PDE4DIP: variants seen among roughly 807,000 people sequenced by gnomAD.
PDE4DIP encodes the protein phosphodiesterase 4D interacting protein, also known as myomegalin.
In PDE4DIP, 59 loss-of-function variants were observed where a neutral mutation model predicts 221.4. The ratio of observed to expected loss-of-function variants is 0.27; its 90% CI spans 0.22 to 0.33. PDE4DIP has a LOEUF of 0.33. Among genes scored for constraint, PDE4DIP ranks in the 10% least tolerant of loss-of-function variants. PDE4DIP has a pLI of 1.00. For missense variants in PDE4DIP, 1,036 were observed against 2,154.2 expected (o/e 0.48, Z 10.28); for synonymous variants, 404 against 815.9 (o/e 0.50, Z 8.60).
intron 1 of PDE4DIP, among the ~76,000 whole-genome samples, chr1:148,926,602 G>T (rs1415869327): frequency 6.9e-6 from 1 of 145,572 alleles, no homozygotes; most frequent in Admixed American, 6.9e-5. Flanking sequence ...TACATGTATT[G>T]ATTTATTTAT....
chr1:148,981,547 G>A, intron 21 of PDE4DIP, 150 bp downstream of exon 24: 1 of 869,836 alleles, frequency 1.1e-6, no homozygotes, highest in Non-Finnish European at 1.8e-6. Context: ...ACTTACTAAT[G>A]ATAGAACTGG....
At chr1:148,893,065 C>CTGTGTCTG (rs1553438672) in intron 1 of PDE4DIP, among the ~76,000 whole-genome samples, 6 of 77,732 alleles carry the variant, frequency 7.7e-5, no homozygotes, top group African/African-American at 3.6e-4. Flanking sequence ...ATGTGTGTGT[C>CTGTGTCTG]TGTGTGTGTG....
intron 3 of PDE4DIP, among the ~76,000 whole-genome samples, chr1:148,869,707 A>G (rs1232040427): frequency 2.6e-5 from 2 of 77,790 alleles, no homozygotes; most frequent in Non-Finnish European, 5.0e-5. Flanking sequence ...AGTCTGTACA[A>G]GAGAGCATGT....
exon 38 of PDE4DIP, chr1:149,024,627 A>G (rs782136181): frequency 2.5e-5 from 17 of 686,972 alleles, no homozygotes; most frequent in South Asian, 3.7e-5. Context: ...CCCCTCCTCC[A>G]TTAACCAGAA....
chr1:149,029,737 G>T lies in PDE4DIP; in HGVS notation c.6814-50G>T, dbSNP rs782059274. ...ATTGGAAAGAGCCACAAAGCACAGG[G>T]TGCTTTAGGCCTTCTGCCTGGTCAG... is the stretch of plus-strand genomic sequence containing the variant. On this transcript the variant is annotated intron_variant, in intron 41 of 43. Coordinates refer to ENST00000369354, the Ensembl canonical transcript of PDE4DIP. 261 of 885,936 alleles carry T rather than the reference G, an allele frequency of 2.9e-4. No individual in the cohort carries two copies. The Middle Eastern group carries it at 3.1e-3, about 10-fold the overall frequency. The allele number at this position is 885,936 out of a possible 1,614,324, so 54.9% of individuals were successfully genotyped here. A position where few individuals can be genotyped will look rare whatever the true frequency, so the allele number is the denominator to read the frequency against.
chr1:148,962,954 G>A (rs1316174214), intron 9 of PDE4DIP, among the ~76,000 whole-genome samples: 4 of 152,136 alleles, frequency 2.6e-5, no homozygotes, highest in Non-Finnish European at 1.5e-5. Context: ...GTGCAGTGGC[G>A]CGATCTCCGC....
intron 42 of PDE4DIP, 117 bp from the exon 46 acceptor site, chr1:149,030,115 G>C: frequency 1.1e-6 from 1 of 934,428 alleles, no homozygotes; most frequent in South Asian, 1.6e-5. Flanking sequence ...GTGGATAGAA[G>C]GAGACTCCAA....
chr1:149,017,767 G>A (rs782135975), exon 34 of PDE4DIP: 5 of 1,603,762 alleles, frequency 3.1e-6, no homozygotes, highest in Non-Finnish European at 4.3e-6. Flanking sequence ...TGCTGGAAGA[G>A]CATCTTGGTG....
intron 19 of PDE4DIP, 52 bp downstream of exon 22, chr1:148,978,467 CTT>C (rs373352718): frequency 0.01 from 9,485 of 933,920 alleles, no homozygotes; most frequent in South Asian, 0.014. Flanking sequence ...TTTTTGTATT[CTT>C]TTTTTTTTTT....
intron 3 of PDE4DIP, chr1:148,870,349 C>G: frequency 2.6e-6 from 1 of 379,632 alleles, no homozygotes; most frequent in Non-Finnish European, 4.1e-6. Context: ...CAGAGCTCCT[C>G]AAAACTGTGT....
chr1:148,827,768 A>C (rs1553366326), intron 1 of PDE4DIP, among the ~76,000 whole-genome samples: 1 of 104,648 alleles, frequency 9.6e-6, no homozygotes, highest in African/African-American at 2.9e-5. Flanking sequence ...ACAATCTATG[A>C]AGCAATTGAA....
At chr1:148,929,424 G>A (rs2047350802) in intron 2 of PDE4DIP, 151 bp downstream of exon 5, 1 of 1,161,130 alleles carries the variant, frequency 8.6e-7, no homozygotes, top group African/African-American at 1.6e-5. Context: ...CATATGCTGT[G>A]TTTCCCTTGG....
At chr1:149,003,955 T>C (rs1400367561) in intron 26 of PDE4DIP, among the ~76,000 whole-genome samples, 1 of 150,066 alleles carries the variant, frequency 6.7e-6, no homozygotes, top group Non-Finnish European at 1.5e-5. Flanking sequence ...CAACTGATTA[T>C]TATAGAAATA....
chr1:148,954,023 C>T (rs1553498869), intron 5 of PDE4DIP: 1 of 693,040 alleles, frequency 1.4e-6, no homozygotes, highest in Non-Finnish European at 2.5e-6. Context: ...TTAGTCATGA[C>T]CCCATTTTTG....
At chr1:148,889,137 A>G (rs7417477), upstream of PDE4DIP, among the ~76,000 whole-genome samples, 8 of 152,278 alleles carry the variant, frequency 5.3e-5, no homozygotes, top group Middle Eastern at 3.4e-3. Flanking sequence ...TGCACTGGAC[A>G]GAAAGGGGAT....
chr1:148,975,264 G>A (rs371098240), intron 17 of PDE4DIP, among the ~76,000 whole-genome samples: 21 of 147,484 alleles, frequency 1.4e-4, no homozygotes, highest in Admixed American at 6.7e-4. Flanking sequence ...CATTAGATCC[G>A]TGAAATTAGA....
At chr1:148,864,294 A>G (rs1685607220) in intron 2 of PDE4DIP, among the ~76,000 whole-genome samples, 2 of 136,274 alleles carry the variant, frequency 1.5e-5, no homozygotes, top group Non-Finnish European at 3.1e-5. Flanking sequence ...GTATAATGAT[A>G]ATGTTAATCT....
chr1:148,882,431 G>A (rs12569352), intron 3 of PDE4DIP, among the ~76,000 whole-genome samples: 1 of 149,746 alleles, frequency 6.7e-6, no homozygotes, highest in Middle Eastern at 3.2e-3. Flanking sequence ...CAAGGCAGCC[G>A]GAGCTCTCAG....
chr1:148,978,113 C>T, intron 18 of PDE4DIP, 60 bp downstream of exon 21: 11 of 1,468,598 alleles, frequency 7.5e-6, no homozygotes, highest in East Asian at 2.3e-5. Flanking sequence ...ACCTGTAGGG[C>T]CTCTTCAGAC....
Sources: gnomAD v4.1 joint callset for allele counts (sites outside exome capture counted in the v4.1 genomes callset) on GRCh38, gnomAD v4.1.1 for gene constraint, MANE v1.5 for transcripts, NCBI Gene and HGNC (gene_info 2026-07-23, HGNC 2026-07-21) for gene names.